Variants in SBF1 observed in about 807,000 individuals in gnomAD.
SBF1 encodes the protein SET binding factor 1.
Under a neutral mutation model 215.8 loss-of-function variants are expected in SBF1, and 65 were observed. The observed-to-expected ratio is 0.30, with a 90% CI of 0.25 to 0.37. The LOEUF (loss-of-function observed/expected upper bound fraction) is 0.37, where lower values mean the gene tolerates loss of function less well. Among genes scored for constraint, SBF1 ranks in the 10% least tolerant of loss-of-function variants. The pLI is 1.00. For synonymous variants in SBF1, 1,410 were observed against 1,122.8 expected, an observed-to-expected ratio of 1.26 and a Z score of -5.11; for missense variants, 2,634 against 2,667.8, an observed-to-expected ratio of 0.99 and a Z score of 0.28.
At position 50,464,862 on chromosome 22, in the gene SBF1, A is replaced by G. The variant is rs1165283638; in HGVS notation, c.1388T>C (p.Val463Ala). The G allele has an allele frequency of 6.2e-7, 1 of 1,613,616 alleles. No individual in the cohort carries two copies. The highest frequency in any genetic ancestry group is 1.1e-5 in the South Asian group (1 of 91,072). Residue 463 changes from valine (V) to alanine (A), a missense_variant, in exon 13 of 41, where the codon GTC becomes GCC. Physicochemically the swap from Val to Ala is moderately conservative, Grantham distance 64. Transcript: ENST00000380817. Reference sequence around the variant, plus strand: ...TGCCAGTTCCTGGACGTGACGCAGGACACGCTGGGGGTGGTTCTCATCCGC... The same window carrying G: ...TGCCAGTTCCTGGACGTGACGCAGGGCACGCTGGGGGTGGTTCTCATCCGC... Reference protein sequence around the residue: ...MRADENHPQRVLRHVQELAEQ... With the variant: ...MRADENHPQRALRHVQELAEQ...
chr22:50,454,970 G>A, intron 34 of SBF1, 26 bp from the exon 35 acceptor site: 2 of 1,613,932 alleles, frequency 1.2e-6, no homozygotes, highest in Non-Finnish European at 1.7e-6. Context: ...ACTGAGCCTG[G>A]GCCCCTCCTG....
At position 50,467,831 on chromosome 22, in the gene SBF1, G is replaced by C; in HGVS notation, c.234C>G (p.His78Gln). ...AVLTDINSER[H>Q]YCACLTFWEP... ...CCCAGAAGGTCAAGCAGGCGCAGTA[G>C]TGGCGCTCGGAGTTGATGTCGGTGA... The change falls in exon 3 of 41, where the codon CAC becomes CAG. Residue 78 changes from histidine to glutamine, a missense_variant. Coordinates refer to ENST00000380817, the MANE Select transcript of SBF1 (RefSeq NM_002972.4). 1.2e-6 allele frequency: 2 copies of C among 1,614,018 alleles called. No homozygotes were observed. The highest frequency in any genetic ancestry group is 2.2e-5 in the East Asian group (1 of 44,874).
At chr22:50,452,000 T>C (rs2148561430) in intron 36 of SBF1, among the ~76,000 whole-genome samples, 1 of 152,066 alleles carries the variant, frequency 6.6e-6, no homozygotes, top group Non-Finnish European at 1.5e-5. Flanking sequence ...TTCACCATAT[T>C]TGCCAGGCTG....
intron 28 of SBF1, among the ~76,000 whole-genome samples, chr22:50,458,304 C>CAAA (rs35742256): frequency 9.7e-5 from 8 of 82,614 alleles, no homozygotes; most frequent in Admixed American, 1.4e-4. Context: ...GACTCCGACT[C>CAAA]AAAAAAAAAA....
At chr22:50,466,817 G>A (rs896228478) in intron 5 of SBF1, 107 bp from the exon 6 acceptor site, 1 of 755,802 alleles carries the variant, frequency 1.3e-6, no homozygotes. Flanking sequence ...ACAGACCCGA[G>A]GTGGGACTGG....
chr22:50,454,446 CG>C lies in SBF1; in HGVS notation c.5043+65del, dbSNP rs2067166300. The C allele has an allele frequency of 2.9e-6, 4 of 1,398,150 alleles. No homozygotes were observed. The Admixed American group carries it at 6.8e-5, about 24-fold the overall frequency. The allele number at this position is 1,398,150 out of a possible 1,614,324, so 86.6% of individuals were successfully genotyped here. ...ATGTACGAGTGTACACACACACGCA[CG>C]ACCCTGGTGTCTGAGCGAGAGGAGG... On this transcript the variant is annotated intron_variant, in intron 36 of 40. Coordinates refer to ENST00000380817, the MANE Select transcript of SBF1 (RefSeq NM_002972.4).
intron 22 of SBF1, 72 bp downstream of exon 22, chr22:50,461,451 G>A (rs1268025734): frequency 6.6e-7 from 1 of 1,507,794 alleles, no homozygotes; most frequent in South Asian, 1.2e-5. Context: ...GGAGAGGGAG[G>A]CAGGGAAAGC....
At chr22:50,455,770 C>T (rs1332679283) in intron 31 of SBF1, 188 bp from the exon 32 acceptor site, 4 of 615,150 alleles carry the variant, frequency 6.5e-6, no homozygotes, top group East Asian at 5.5e-5. Flanking sequence ...CCACCGCCTC[C>T]AGCCTGCTGG....
intron 1 of SBF1, among the ~76,000 whole-genome samples, chr22:50,472,074 G>A (rs1439848541): frequency 6.6e-6 from 1 of 152,186 alleles, no homozygotes; most frequent in East Asian, 1.9e-4. Context: ...CCGGGCAGAG[G>A]CAGTCTGTCT....
intron 36 of SBF1, among the ~76,000 whole-genome samples, chr22:50,454,257 G>T (rs1603431017): frequency 6.6e-6 from 1 of 152,204 alleles, no homozygotes; most frequent in Non-Finnish European, 1.5e-5. Context: ...TGTGTACTGA[G>T]ACCTGAGGGT....
In SBF1 at chr22:50,454,510, A is replaced by G. The variant is rs1316965013; in HGVS notation, c.5043+2T>C. 6.2e-7 allele frequency: 1 copy of G among 1,607,392 alleles called. No homozygotes were observed. ...CAGACCCTGCTCTGGGATCACACGC[A>G]CCTCCAGCAGGCGTGAGATGGCGTC... On this transcript the variant is annotated splice_donor_variant, in intron 36 of 40. Transcript: ENST00000380817. LOFTEE classifies it high-confidence loss of function.
intron 35 of SBF1, 33 bp from the exon 36 acceptor site, chr22:50,454,775 C>T (rs748616665): frequency 2.1e-5 from 33 of 1,600,558 alleles, no homozygotes; most frequent in African/African-American, 1.4e-4. Context: ...GGACCTGGGT[C>T]GGGCAGGAGC....
Position 50,460,721 on chromosome 22 carries a change from GT to G in SBF1, c.2968-10del. On this transcript the variant is annotated splice_polypyrimidine_tract_variant and intron_variant, in intron 23 of 40. Coordinates refer to ENST00000380817, the MANE Select transcript of SBF1 (RefSeq NM_002972.4). ...AAGGCCATTTTCAGCAGCTGTGTCA[GT>G]AAAAGCAGCCCTTAGGGGTGTGGGT... 1.2e-5 allele frequency: 20 copies of G among 1,611,660 alleles called. No homozygotes were observed. Among genetic ancestry groups the G allele is most frequent in the Non-Finnish European group, 1.7e-5 (20 of 1,179,500 alleles).
rs749569797 is a variant in SBF1, at chr22:50,461,296, G to C, written c.2840-10C>G. On this transcript the variant is annotated splice_polypyrimidine_tract_variant and intron_variant, in intron 22 of 40. Transcript: ENST00000380817. ...ACCACCTGCTCCCCAACTTAGGACA[G>C]GCCAGGCAGAGTCAGAAGCAAGGAA... is the stretch of plus-strand genomic sequence containing the variant. The C allele has an allele frequency of 2.5e-6, 4 of 1,590,400 alleles. No homozygotes were observed. Among genetic ancestry groups the C allele is most frequent in the Non-Finnish European group, 3.4e-6 (4 of 1,167,104 alleles).
chr22:50,460,229 C>T (rs1439814651), intron 25 of SBF1, 43 bp downstream of exon 25: 2 of 1,600,982 alleles, frequency 1.2e-6, no homozygotes, highest in East Asian at 2.2e-5. Context: ...TGGCCAATGT[C>T]AGCATCCAGA....
In SBF1 at chr22:50,452,723, C is replaced by CAAAAAA. The variant is rs57951967; in HGVS notation, c.5043+1783_5043+1788dup. The stretch of plus-strand genomic sequence containing the variant: ...GGTGACTGAGGGAGACTCCATCTCT[C>CAAAAAA]AAAAAAAAAAAAAAAAAAAAAAAAA... On this transcript the variant is annotated intron_variant, in intron 36 of 40. Transcript: ENST00000380817. Among the ~76,000 whole-genome samples the CAAAAAA allele has an allele frequency of 7.8e-4, 31 of 39,538 alleles. 1 individual carries two copies. The highest frequency in any genetic ancestry group is 3.7e-3 in the African/African-American group (29 of 7,924). The allele number at this position is 39,538 out of a possible 152,430, so 25.9% of individuals were successfully genotyped here.
intron 8 of SBF1, 29 bp downstream of exon 8, chr22:50,466,121 G>A (rs768161721): frequency 1.3e-5 from 21 of 1,612,694 alleles, no homozygotes; most frequent in East Asian, 6.7e-5. Context: ...GGCCTGGGCC[G>A]TGAGGTGGAC....
In SBF1 at chr22:50,455,107, G is replaced by A; in HGVS notation, c.4590C>T (p.Ser1530=). 1 of 1,614,146 alleles carries A rather than the reference G, an allele frequency of 6.2e-7. No individual in the cohort carries two copies. The highest frequency in any genetic ancestry group is 1.1e-5 in the South Asian group (1 of 91,088). Reference sequence around the variant, plus strand: ...AGCCGAGGAACTTGAGGTAGAACTGGCTGAACTCAAACTCCATGGGGAACT... The same window carrying A: ...AGCCGAGGAACTTGAGGTAGAACTGACTGAACTCAAACTCCATGGGGAACT... ...HLQFPMEFEF[S]QFYLKFLGYH... Residue 1530 remains serine (S), a synonymous_variant, in exon 34 of 41, where the codon AGC becomes AGT. Transcript: ENST00000380817.
rs567343038 is a variant in SBF1, at chr22:50,452,718, T to C, written c.5043+1794A>G. On this transcript the variant is annotated intron_variant, in intron 36 of 40. Coordinates refer to ENST00000380817, the MANE Select transcript of SBF1 (RefSeq NM_002972.4). ...GCCTGGGTGACTGAGGGAGACTCCA[T>C]CTCTCAAAAAAAAAAAAAAAAAAAA... Among the ~76,000 whole-genome samples, 431 of 61,278 alleles carry C rather than the reference T, an allele frequency of 7.0e-3. 2 individuals carry two copies. The South Asian group carries it at 0.071, about 10-fold the overall frequency. 40.2% of individuals were successfully genotyped at this position (61,278 alleles called of 152,430 possible). A position where few individuals can be genotyped will look rare whatever the true frequency, so the allele number is the denominator to read the frequency against.
Sources: allele counts gnomAD v4.1 joint callset (sites outside exome capture counted in the v4.1 genomes callset), GRCh38; gene constraint gnomAD v4.1.1; transcripts MANE v1.5; gene names NCBI Gene and HGNC (gene_info 2026-07-23, HGNC 2026-07-21).